LYPLAL1: variants seen among roughly 807,000 people sequenced by gnomAD.
The protein encoded by LYPLAL1 is lysophospholipase-like protein 1.
In LYPLAL1, 23 loss-of-function variants were observed where a neutral mutation model predicts 19.7. The observed-to-expected ratio is 1.17, with a 90% CI of 0.84 to 1.65. LYPLAL1 has a LOEUF of 1.65. Ranked by LOEUF, LYPLAL1 falls within the 40% of genes most tolerant of loss-of-function variation. The pLI is 0.00. For synonymous variants in LYPLAL1, 119 were observed against 96.3 expected, an observed-to-expected ratio of 1.24 and a Z score of -1.38; for missense variants, 355 against 279.4, an observed-to-expected ratio of 1.27 and a Z score of -1.93.
intron 2 of LYPLAL1, among the ~76,000 whole-genome samples, chr1:219,179,750 A>C (rs1656118891): frequency 6.6e-6 from 1 of 152,208 alleles, no homozygotes; most frequent in East Asian, 1.9e-4. Context: ...CTACTTAATA[A>C]ATATTTAGGT....
At chr1:219,346,023 A>G in the LYPLAL1 span, among the ~76,000 whole-genome samples, 1 of 152,308 alleles carries the variant, frequency 6.6e-6, no homozygotes, top group East Asian at 1.9e-4. Flanking sequence ...GCTGCCCTCT[A>G]GGAAAATCCA....
At chr1:219,175,021 G>C in intron 1 of LYPLAL1, 5 of 985,434 alleles carry the variant, frequency 5.1e-6, no homozygotes, top group Non-Finnish European at 6.0e-6. Flanking sequence ...GCCGAGACGG[G>C]TAGGCTTAAA....
the LYPLAL1 span, among the ~76,000 whole-genome samples, chr1:219,418,232 C>T: frequency 6.6e-6 from 1 of 152,170 alleles, no homozygotes; most frequent in African/African-American, 2.4e-5. Context: ...AGAGAATGTA[C>T]TTCCCATTTC....
intron 2 of LYPLAL1, among the ~76,000 whole-genome samples, chr1:219,190,158 C>T (rs1164589665): frequency 1.3e-5 from 2 of 151,428 alleles, no homozygotes; most frequent in South Asian, 4.2e-4. Flanking sequence ...AGTGACTGTT[C>T]CCCCGCCCAC....
the LYPLAL1 span, among the ~76,000 whole-genome samples, chr1:219,251,872 A>G: frequency 1.3e-5 from 2 of 152,232 alleles, no homozygotes; most frequent in South Asian, 4.1e-4. Context: ...TTTGGGCAGT[A>G]TAGTCATTTT....
chr1:219,199,338 A>AT (rs1315504121), intron 3 of LYPLAL1, among the ~76,000 whole-genome samples: 1 of 152,214 alleles, frequency 6.6e-6, no homozygotes, highest in East Asian at 1.9e-4. Flanking sequence ...TTTTAATATT[A>AT]TTTAAGTGTA....
chr1:219,245,182 TTCCTTCCTTCCTTCCTTCC>T, the LYPLAL1 span, among the ~76,000 whole-genome samples: 1 of 10,832 alleles, frequency 9.2e-5, no homozygotes, highest in Non-Finnish European at 2.7e-4. Context: ...CATCCCTTCC[TTCCTTCCTTCCTTCCTTCC>T]TTCCTTCCTT....
chr1:219,385,850 T>C, the LYPLAL1 span, among the ~76,000 whole-genome samples: 5 of 152,122 alleles, frequency 3.3e-5, no homozygotes, highest in African/African-American at 1.2e-4. Context: ...CAGAGAGAAA[T>C]ATAATTGCTT....
chr1:219,261,867 A>C, the LYPLAL1 span, among the ~76,000 whole-genome samples: 1 of 152,146 alleles, frequency 6.6e-6, no homozygotes, highest in Admixed American at 6.5e-5. Flanking sequence ...GTGTTCTTTG[A>C]GCGCCTTGTA....
At chr1:219,430,322 A>G in the LYPLAL1 span, among the ~76,000 whole-genome samples, 2 of 148,996 alleles carry the variant, frequency 1.3e-5, no homozygotes, top group Admixed American at 1.3e-4. Flanking sequence ...TCTTTTCTAT[A>G]ACCCAGGTTC....
the LYPLAL1 span, among the ~76,000 whole-genome samples, chr1:219,417,670 C>A: frequency 1.3e-5 from 2 of 152,246 alleles, no homozygotes; most frequent in African/African-American, 4.8e-5. Flanking sequence ...GTTTTAAATA[C>A]TCCTTTCTGG....
chr1:219,221,906 A>G, the LYPLAL1 span, among the ~76,000 whole-genome samples: 6 of 152,020 alleles, frequency 3.9e-5, no homozygotes, highest in Non-Finnish European at 5.9e-5. Context: ...TGTTAAAACA[A>G]TAGAGGGCTC....
chr1:219,300,402 T>C, the LYPLAL1 span, among the ~76,000 whole-genome samples: 2 of 151,980 alleles, frequency 1.3e-5, no homozygotes, highest in African/African-American at 4.8e-5. Context: ...TATTTTTAAA[T>C]AGAATTTATC....
the LYPLAL1 span, among the ~76,000 whole-genome samples, chr1:219,396,309 C>A: frequency 6.6e-6 from 1 of 152,098 alleles, no homozygotes; most frequent in African/African-American, 2.4e-5. Context: ...CTTTTTGTAC[C>A]AGTATCATGC....
chr1:219,425,016 T>C, the LYPLAL1 span, among the ~76,000 whole-genome samples: 2 of 152,178 alleles, frequency 1.3e-5, no homozygotes, highest in Non-Finnish European at 2.9e-5. Flanking sequence ...AATAACAAAA[T>C]GTCATAGACT....
chr1:219,394,196 G>A, the LYPLAL1 span, among the ~76,000 whole-genome samples: 7 of 152,060 alleles, frequency 4.6e-5, no homozygotes. Context: ...GAATAATTTT[G>A]TCTAGATAAA....
chr1:219,357,689 T>C, the LYPLAL1 span, among the ~76,000 whole-genome samples: 4 of 152,194 alleles, frequency 2.6e-5, no homozygotes, highest in Non-Finnish European at 5.9e-5. Context: ...AGCAATCATA[T>C]TGGTAGGTAT....
At chr1:219,305,303 C>T in the LYPLAL1 span, among the ~76,000 whole-genome samples, 1 of 152,094 alleles carries the variant, frequency 6.6e-6, no homozygotes, top group Non-Finnish European at 1.5e-5. Flanking sequence ...CACAAATATA[C>T]TCCCTTTCTT....
chr1:219,361,928 C>G, the LYPLAL1 span, among the ~76,000 whole-genome samples: 1 of 152,084 alleles, frequency 6.6e-6, no homozygotes, highest in African/African-American at 2.4e-5. Context: ...AACATTTAAT[C>G]TCTCCTGCAT....
Sources: allele counts gnomAD v4.1 joint callset (sites outside exome capture counted in the v4.1 genomes callset), GRCh38; gene constraint gnomAD v4.1.1; transcripts MANE v1.5; gene names NCBI Gene and HGNC (gene_info 2026-07-23, HGNC 2026-07-21).